Variants in STN1 observed in about 807,000 individuals in gnomAD.
STN1 encodes the protein STN1 subunit of CST complex.
In STN1, 29 loss-of-function variants were observed where a neutral mutation model predicts 45.5. The observed-to-expected ratio is 0.64, with a 90% CI of 0.47 to 0.87. The LOEUF (loss-of-function observed/expected upper bound fraction) is 0.87, where lower values mean the gene tolerates loss of function less well. STN1 is among the 40% of genes least tolerant of loss of function. The probability of loss-of-function intolerance (pLI) is 0.00; values close to 1 mark genes in which losing one functional copy is unlikely to be tolerated. For missense variants in STN1, 376 were observed against 441.4 expected (o/e 0.85, Z 1.33); for synonymous variants, 148 against 159.0 (o/e 0.93, Z 0.52).
intron 2 of STN1, among the ~76,000 whole-genome samples, chr10:103,912,958 G>A (rs768942497): frequency 1.3e-5 from 2 of 152,232 alleles, no homozygotes; most frequent in Non-Finnish European, 1.5e-5. Context: ...TGGACCCACA[G>A]AGGGCCGGCT....
At chr10:103,899,374 T>C (rs767229990) in intron 5 of STN1, among the ~76,000 whole-genome samples, 1 of 152,250 alleles carries the variant, frequency 6.6e-6, no homozygotes, top group Non-Finnish European at 1.5e-5. Context: ...GCTGTTTTCA[T>C]TTAAAGTTAA....
chr10:103,916,792 C>A (rs201742602), intron 2 of STN1, among the ~76,000 whole-genome samples: 74 of 143,708 alleles, frequency 5.1e-4, no homozygotes, highest in Non-Finnish European at 5.0e-4. Context: ...TATTCTAATA[C>A]AAAAAAAAAA....
chr10:103,888,777 GC>G (rs1458673865), intron 9 of STN1, among the ~76,000 whole-genome samples: 2 of 152,150 alleles, frequency 1.3e-5, no homozygotes, highest in African/African-American at 4.8e-5. Flanking sequence ...TCCTTGTCTA[GC>G]CCCCACCTCA....
In STN1 at chr10:103,917,543, C is replaced by A. The variant is rs1266660320; in HGVS notation, c.52G>T (p.Gly18Cys). Residue 18 changes from glycine to cysteine, a missense_variant, in exon 2 of 10, where the codon GGT becomes TGT. By Grantham distance (159) the Gly-to-Cys change is radical. Transcript: ENST00000224950. ...AAGGCTAGAAACACAGGATCCAAACCCCACAAGAGGGAAGGGGTCTCCTCT... is the reference window on the plus strand; with the variant it reads ...AAGGCTAGAAACACAGGATCCAAACACCACAAGAGGGAAGGGGTCTCCTCT... ...CEEETPSLLW[G>C]LDPVFLAFAK... is the part of the protein sequence containing the mutation. 6.2e-7 allele frequency: 1 copy of A among 1,614,162 alleles called. No individual in the cohort carries two copies. Among genetic ancestry groups the A allele is most frequent in the South Asian group, 1.1e-5 (1 of 91,086 alleles).
Position 103,897,519 on chromosome 10 carries a change from G to T in STN1, c.753+29C>A, listed in dbSNP as rs763039375. 5.0e-6 allele frequency: 8 copies of T among 1,608,152 alleles called. No individual in the cohort carries two copies. The South Asian group carries it at 7.7e-5, about 15-fold the overall frequency. On this transcript the variant is annotated intron_variant, in intron 7 of 9. Coordinates refer to ENST00000224950, the MANE Select transcript of STN1 (RefSeq NM_024928.5). Reference sequence around the variant, plus strand: ...GTTGCAGATCTGGGGCAGGGAACCAGAATTCTCACATGGGCATGCTGCACT... The same window carrying T: ...GTTGCAGATCTGGGGCAGGGAACCATAATTCTCACATGGGCATGCTGCACT...
At chr10:103,900,302 G>A in intron 4 of STN1, 79 bp from the exon 5 acceptor site, 1 of 1,398,552 alleles carries the variant, frequency 7.2e-7, no homozygotes, top group South Asian at 1.3e-5. Flanking sequence ...ACAGTTTTAG[G>A]GTAAGACCAA....
rs1258904686 is a variant in STN1 at position 103,879,853 on chromosome 10, TAGAA to T, written c.*2827_*2830del. 6.6e-6 allele frequency: 1 copy of T among 152,142 alleles called. No individual in the cohort carries two copies. The highest frequency in any genetic ancestry group is 1.5e-5 in the Non-Finnish European group (1 of 68,072). The allele number at this position is 152,142 out of a possible 1,614,324, so 9.4% of individuals were successfully genotyped here. ...CAGACAGATTGGATGTGAGGTATGATAGAAAGAAAGAAGCCAATGGATTTGGTTT... is the reference window on the plus strand; with the variant it reads ...CAGACAGATTGGATGTGAGGTATGATAGAAAGAAGCCAATGGATTTGGTTT... On this transcript the variant is annotated 3_prime_UTR_variant, in exon 10 of 10. Coordinates refer to ENST00000224950, the MANE Select transcript of STN1 (RefSeq NM_024928.5).
chr10:103,882,613 G>A lies in STN1; in HGVS notation c.*71C>T. On this transcript the variant is annotated 3_prime_UTR_variant, in exon 10 of 10. Transcript: ENST00000224950. ...CCAGACAGATAAGCCCCTGCATGAT[G>A]CTGAAAGTCAGAGCCTGGGGGTGAA... 6.7e-7 allele frequency: 1 copy of A among 1,485,620 alleles called. No individual in the cohort carries two copies. Among genetic ancestry groups the A allele is most frequent in the Non-Finnish European group, 9.1e-7 (1 of 1,098,436 alleles). 92.0% of individuals were successfully genotyped at this position (1,485,620 alleles called of 1,614,324 possible).
rs1270991695 is a variant in STN1, at chr10:103,897,782, AT to A, written c.582-64del. 9.0e-6 allele frequency: 14 copies of A among 1,547,576 alleles called. No homozygotes were observed. In the East Asian group the frequency reaches 3.2e-4, roughly 35 times the overall value. On this transcript the variant is annotated intron_variant, in intron 6 of 9. Transcript: ENST00000224950. Reference sequence around the variant, plus strand: ...CATCACCTTTGTTCCTTTTTGGTGTATAAAAACCAGAAAATTAGCTAGAAAA... The same window carrying A: ...CATCACCTTTGTTCCTTTTTGGTGTAAAAAACCAGAAAATTAGCTAGAAAA...
At chr10:103,890,709 T>A (rs1843134714) in intron 8 of STN1, among the ~76,000 whole-genome samples, 1 of 152,232 alleles carries the variant, frequency 6.6e-6, no homozygotes, top group South Asian at 2.1e-4. Context: ...CTGGGATACC[T>A]GCTTCAAAAG....
chr10:103,904,949 T>C, intron 4 of STN1, 142 bp downstream of exon 4: 5 of 745,520 alleles, frequency 6.7e-6, no homozygotes, highest in Middle Eastern at 7.8e-4. Flanking sequence ...GCCAAAGCTC[T>C]GGGTATAGTG....
rs1843065365 is a variant in STN1 at position 103,881,009 on chromosome 10, A to C, written c.*1675T>G. Among the ~76,000 whole-genome samples the C allele has an allele frequency of 6.6e-6, 1 of 152,228 alleles. No individual in the cohort carries two copies. The highest frequency in any genetic ancestry group is 1.5e-5 in the Non-Finnish European group (1 of 68,040). On this transcript the variant is annotated 3_prime_UTR_variant, in exon 10 of 10. Coordinates refer to ENST00000224950, the MANE Select transcript of STN1 (RefSeq NM_024928.5). ...GATAATGGTGTTATACTATAGAAAC[A>C]GATCTATAACTCTATCTACTTCCCA...
chr10:103,909,364 A>AT lies in STN1; in HGVS notation c.229+1162_229+1163insA, dbSNP rs1430329605. 4.1e-4 allele frequency among the ~76,000 whole-genome samples: 43 copies of AT among 106,024 alleles called. 1 individual carries two copies. The highest frequency in any genetic ancestry group is 1.4e-3 in the African/African-American group (42 of 29,682). The allele number at this position is 106,024 out of a possible 152,430, so 69.6% of individuals were successfully genotyped here. A position where few individuals can be genotyped will look rare whatever the true frequency, so the allele number is the denominator to read the frequency against. ...GATCCTTTTCAGAATCAAAAAAAAA[A>AT]AATATATATATATATGTATATATAT... On this transcript the variant is annotated intron_variant, in intron 3 of 9. Coordinates refer to ENST00000224950, the MANE Select transcript of STN1 (RefSeq NM_024928.5).
intron 2 of STN1, among the ~76,000 whole-genome samples, chr10:103,912,512 G>A (rs1843298749): frequency 6.6e-6 from 1 of 152,236 alleles, no homozygotes; most frequent in Non-Finnish European, 1.5e-5. Flanking sequence ...TGTGTCCTGT[G>A]TAGTCAAGGG....
chr10:103,907,376 T>C (rs1374605135), intron 3 of STN1, among the ~76,000 whole-genome samples: 1 of 152,214 alleles, frequency 6.6e-6, no homozygotes, highest in African/African-American at 2.4e-5. Flanking sequence ...CCAATTTATG[T>C]GCAACATTAA....
chr10:103,905,774 T>C (rs1843236674), intron 3 of STN1, among the ~76,000 whole-genome samples: 1 of 152,186 alleles, frequency 6.6e-6, no homozygotes, highest in Admixed American at 6.5e-5. Context: ...ATTTTCATTA[T>C]AGAAAATAAT....
At position 103,881,289 on chromosome 10, in the gene STN1, T is replaced by C. The variant is rs998042469; in HGVS notation, c.*1395A>G. Among the ~76,000 whole-genome samples, 1 of 152,230 alleles carries C rather than the reference T, an allele frequency of 6.6e-6. No homozygotes were observed. The highest frequency in any genetic ancestry group is 2.4e-5 in the African/African-American group (1 of 41,454). ...GCTATAGGCAAGGGTATGCCCTTTT[T>C]ACCTTCTGATTCTGAACTCCTTCCT... On this transcript the variant is annotated 3_prime_UTR_variant, in exon 10 of 10. Coordinates refer to ENST00000224950, the MANE Select transcript of STN1 (RefSeq NM_024928.5).
At chr10:103,912,967 C>G (rs1286140724) in intron 2 of STN1, among the ~76,000 whole-genome samples, 1 of 152,236 alleles carries the variant, frequency 6.6e-6, no homozygotes, top group East Asian at 1.9e-4. Flanking sequence ...AGAGGGCCGG[C>G]TGTCTGCCAC....
At chr10:103,890,490 G>C (rs1442807057) in intron 8 of STN1, among the ~76,000 whole-genome samples, 2 of 152,218 alleles carry the variant, frequency 1.3e-5, no homozygotes, top group Admixed American at 6.5e-5. Context: ...GAAGTACCCA[G>C]CCCCACCACG....
Sources: allele counts gnomAD v4.1 joint callset (sites outside exome capture counted in the v4.1 genomes callset), GRCh38; gene constraint gnomAD v4.1.1; transcripts MANE v1.5; gene names NCBI Gene and HGNC (gene_info 2026-07-23, HGNC 2026-07-21).